The following TRA2B variants were observed in gnomAD, a reference collection of about 807,000 sequenced individuals.
TRA2B encodes transformer-2 protein homolog beta.
A neutral mutation model predicts 41.7 loss-of-function variants in TRA2B; 14 were observed. The ratio of observed to expected loss-of-function variants is 0.34; its 90% CI spans 0.22 to 0.53. The LOEUF (loss-of-function observed/expected upper bound fraction) is 0.53, where lower values mean the gene tolerates loss of function less well. TRA2B is among the 20% of genes least tolerant of loss of function. The pLI, the probability that TRA2B is intolerant of heterozygous loss-of-function variation, is 0.95. For synonymous variants in TRA2B, 130 were observed against 128.8 expected, an observed-to-expected ratio of 1.01 and a Z score of -0.06; for missense variants, 167 against 396.8, an observed-to-expected ratio of 0.42 and a Z score of 4.92.
chr3:185,919,583 CAT>C, intron 6 of TRA2B, 87 bp from the exon 7 acceptor site: 1 of 1,131,456 alleles, frequency 8.8e-7, no homozygotes, highest in South Asian at 1.5e-5. Flanking sequence ...TAAAAACTTT[CAT>C]AGAGCATGAA....
rs1743542833 is a variant in TRA2B at position 185,917,482 on chromosome 3, A to T, written c.*233T>A. 1 of 476,202 alleles carries T rather than the reference A, an allele frequency of 2.1e-6. No homozygotes were observed. Among genetic ancestry groups the T allele is most frequent in the Non-Finnish European group, 3.8e-6 (1 of 264,606 alleles). 29.5% of individuals were successfully genotyped at this position (476,202 alleles called of 1,614,324 possible). A position where few individuals can be genotyped will look rare whatever the true frequency, so the allele number is the denominator to read the frequency against. ...GCAGTCAAAATTTAGACTGTAAAAA[A>T]ATACATGCAAAACATACTTTTCTGA... On this transcript the variant is annotated 3_prime_UTR_variant, in exon 9 of 9. Transcript: ENST00000453386.
chr3:185,937,803 C>CCCCT, intron 1 of TRA2B, 22 bp downstream of exon 1: 1 of 1,614,100 alleles, frequency 6.2e-7, no homozygotes, highest in Non-Finnish European at 8.5e-7. Context: ...ACACAGCCAC[C>CCCCT]CCCTACCGCA....
At chr3:185,921,863 T>C (rs566435513) in intron 5 of TRA2B, 148 bp downstream of exon 5, 2 of 535,232 alleles carry the variant, frequency 3.7e-6, no homozygotes, top group Non-Finnish European at 6.7e-6. Context: ...ACTTCTACTA[T>C]GAGAAAAATG....
intron 4 of TRA2B, chr3:185,923,043 AGGCCGAGGGG>A (rs1254080637): frequency 2.0e-5 from 3 of 152,276 alleles, no homozygotes; most frequent in Non-Finnish European, 2.9e-5. Context: ...GCACTTTGGG[AGGCCGAGGGG>A]GGCAGATCAC....
chr3:185,919,386 T>C (rs1457397629), intron 7 of TRA2B, 51 bp downstream of exon 7: 3 of 1,473,730 alleles, frequency 2.0e-6, no homozygotes, highest in Non-Finnish European at 2.8e-6. Context: ...CAAACATCTT[T>C]ATGTGAAGCT....
rs754053196 is a variant in TRA2B, at chr3:185,923,940, G to A, written c.378C>T (p.Ser126=). The A allele has an allele frequency of 2.5e-6, 4 of 1,613,818 alleles. No homozygotes were observed. The highest frequency in any genetic ancestry group is 3.4e-6 in the Non-Finnish European group (4 of 1,179,944). The part of the protein sequence containing the change: ...PNCCLGVFGL[S]LYTTERDLRE... ...TTAGATCTCTTTCTGTGGTGTACAA[G>A]CTCAGCCCAAATACTCCAAGACAAC... is the stretch of plus-strand genomic sequence containing the variant. Residue 126 remains serine, a synonymous_variant, in exon 4 of 9, where the codon AGC becomes AGT. Transcript: ENST00000453386.
intron 1 of TRA2B, chr3:185,931,941 TTTG>T: frequency 1.1e-6 from 1 of 926,354 alleles, no homozygotes. Flanking sequence ...AAAAAATCCC[TTTG>T]TTGATTTGGA....
chr3:185,919,714 T>TAA (rs543317376), intron 6 of TRA2B, among the ~76,000 whole-genome samples: 2 of 147,148 alleles, frequency 1.4e-5, no homozygotes, highest in East Asian at 3.9e-4. Context: ...TAAATGCTCT[T>TAA]AAAAAAAAAA....
chr3:185,934,917 T>C, intron 1 of TRA2B: 5 of 985,380 alleles, frequency 5.1e-6, no homozygotes, highest in Non-Finnish European at 6.0e-6. Flanking sequence ...GTCAAAACAT[T>C]TTCTTTAACA....
chr3:185,918,493 CAT>C (rs1045465651), intron 7 of TRA2B, 55 bp from the exon 8 acceptor site: 32 of 1,299,252 alleles, frequency 2.5e-5, no homozygotes, highest in Non-Finnish European at 3.0e-5. Flanking sequence ...TTAGACCAAA[CAT>C]ATAAATTTAT....
intron 5 of TRA2B, among the ~76,000 whole-genome samples, 173 bp downstream of exon 5, chr3:185,921,838 A>C (rs1743750755): frequency 6.6e-6 from 1 of 152,194 alleles, no homozygotes; most frequent in Non-Finnish European, 1.5e-5. Context: ...ATTTAGTTTT[A>C]CCTGTAATGG....
At chr3:185,935,294 C>CTAA in intron 1 of TRA2B, 3 of 985,386 alleles carry the variant, frequency 3.0e-6, no homozygotes, top group Non-Finnish European at 3.6e-6. Context: ...GTTAAGCCTG[C>CTAA]TAATTAGACC....
intron 1 of TRA2B, among the ~76,000 whole-genome samples, chr3:185,929,294 C>T (rs1744064210): frequency 6.6e-6 from 1 of 152,136 alleles, no homozygotes; most frequent in Admixed American, 6.6e-5. Flanking sequence ...CTAAAATTAG[C>T]ACCCAAATCA....
chr3:185,931,683 T>C, intron 1 of TRA2B: 1 of 1,293,016 alleles, frequency 7.7e-7, no homozygotes, highest in Non-Finnish European at 9.8e-7. Context: ...TCTTCCCCAC[T>C]TCACACAAAT....
At chr3:185,918,576 A>C (rs895625419) in intron 7 of TRA2B, 138 bp from the exon 8 acceptor site, 2 of 511,918 alleles carry the variant, frequency 3.9e-6, no homozygotes, top group East Asian at 3.1e-5. Flanking sequence ...GGTCTGTTTA[A>C]ATCTTGAGAA....
At chr3:185,932,411 G>A (rs1744184969) in intron 1 of TRA2B, among the ~76,000 whole-genome samples, 1 of 152,086 alleles carries the variant, frequency 6.6e-6, no homozygotes, top group Non-Finnish European at 1.5e-5. Context: ...TGACAATTTG[G>A]AGCTTAAGTG....
chr3:185,933,409 T>C (rs973351736), intron 1 of TRA2B, among the ~76,000 whole-genome samples: 17 of 152,218 alleles, frequency 1.1e-4, no homozygotes, highest in African/African-American at 2.2e-4. Flanking sequence ...CTTGGGCTAA[T>C]GTTATGTACA....
At position 185,917,205 on chromosome 3, in the gene TRA2B, C is replaced by T. The variant is rs886574806; in HGVS notation, c.*510G>A. ...GAGTTACAGAGCATAATTTTAAACA[C>T]TTAGTTGCAGGTATATAAGTATGGT... On this transcript the variant is annotated 3_prime_UTR_variant, in exon 9 of 9. Transcript: ENST00000453386. 6.5e-6 allele frequency: 1 copy of T among 152,830 alleles called. No individual in the cohort carries two copies. Among genetic ancestry groups the T allele is most frequent in the Admixed American group, 6.5e-5 (1 of 15,318 alleles). The allele number at this position is 152,830 out of a possible 1,614,324, so 9.5% of individuals were successfully genotyped here. A position where few individuals can be genotyped will look rare whatever the true frequency, so the allele number is the denominator to read the frequency against.
chr3:185,935,301 G>T (rs1744304572), intron 1 of TRA2B: 2 of 985,240 alleles, frequency 2.0e-6, no homozygotes, highest in African/African-American at 3.5e-5. Flanking sequence ...CTGCTAATTA[G>T]ACCCCTATAG....
Sources: allele counts gnomAD v4.1 joint callset (sites outside exome capture counted in the v4.1 genomes callset), GRCh38; gene constraint gnomAD v4.1.1; transcripts MANE v1.5; gene names NCBI Gene and HGNC (gene_info 2026-07-23, HGNC 2026-07-21).